The following CCDC30 variants were observed in gnomAD, a reference collection of about 807,000 sequenced individuals.
CCDC30 encodes the protein coiled-coil domain containing 30.
CCDC30 carries 70 observed loss-of-function variants against 100.2 expected under a neutral mutation model. That is an observed-to-expected ratio of 0.70 (90% CI 0.58 to 0.85). The LOEUF is 0.85. CCDC30 is among the 40% of genes least tolerant of loss of function. The probability of loss-of-function intolerance (pLI) is 0.00; values close to 1 mark genes in which losing one functional copy is unlikely to be tolerated. For missense variants in CCDC30, 652 were observed against 771.2 expected (o/e 0.85, Z 1.83); for synonymous variants, 233 against 269.5 (o/e 0.86, Z 1.33).
At chr1:42,637,184 A>G in intron 11 of CCDC30, 53 bp from the exon 16 acceptor site, 1 of 1,466,924 alleles carries the variant, frequency 6.8e-7, no homozygotes, top group Non-Finnish European at 9.2e-7. Flanking sequence ...TGAGGATGCA[A>G]AATAAATTTT....
intron 1 of CCDC30, among the ~76,000 whole-genome samples, chr1:42,474,842 T>G (rs1643865122): frequency 6.6e-6 from 1 of 152,216 alleles, no homozygotes; most frequent in Admixed American, 6.5e-5. Flanking sequence ...CATATTCGCT[T>G]TCTACCTGTT....
intron 10 of CCDC30, chr1:42,594,088 A>G (rs1646239191): frequency 6.6e-6 from 1 of 152,254 alleles, no homozygotes; most frequent in South Asian, 2.1e-4. Context: ...ATTCATATAA[A>G]TAAAGACACA....
At chr1:42,568,690 G>T (rs953497729) in intron 7 of CCDC30, among the ~76,000 whole-genome samples, 6 of 151,736 alleles carry the variant, frequency 4.0e-5, no homozygotes, top group Non-Finnish European at 8.8e-5. Context: ...ACTTTGTGGG[G>T]CTGAGGTGAG....
intron 11 of CCDC30, among the ~76,000 whole-genome samples, chr1:42,622,623 C>A (rs982017504): frequency 3.3e-5 from 5 of 152,200 alleles, no homozygotes; most frequent in African/African-American, 1.2e-4. Context: ...TACTTATGCA[C>A]CACCGCACCT....
chr1:42,529,024 A>G (rs1644767640), intron 6 of CCDC30, among the ~76,000 whole-genome samples: 1 of 152,210 alleles, frequency 6.6e-6, no homozygotes, highest in South Asian at 2.1e-4. Flanking sequence ...ATCTAGACTG[A>G]AGTTTGTGTG....
At chr1:42,492,554 AAAATG>A (rs1644160717) in intron 4 of CCDC30, 1 of 152,566 alleles carries the variant, frequency 6.6e-6, no homozygotes, top group African/African-American at 2.4e-5. Context: ...CTCTGTGAAA[AAAATG>A]AAATCATACA....
chr1:42,548,856 G>A (rs1284144177), intron 6 of CCDC30, among the ~76,000 whole-genome samples: 2 of 152,166 alleles, frequency 1.3e-5, no homozygotes, highest in African/African-American at 4.8e-5. Context: ...AAGTGGTACA[G>A]CATACCTAGC....
In CCDC30 at chr1:42,479,565, T is replaced by TAAAAAAA. The variant is rs150749741; in HGVS notation, c.-91-896_-91-895insAAAAAAA. Among the ~76,000 whole-genome samples the TAAAAAAA allele has an allele frequency of 1.4e-5, 2 of 139,962 alleles. 1 individual carries two copies. Among genetic ancestry groups the TAAAAAAA allele is most frequent in the Non-Finnish European group, 3.1e-5 (2 of 65,120 alleles). The allele number at this position is 139,962 out of a possible 152,430, so 91.8% of individuals were successfully genotyped here. On this transcript the variant is annotated intron_variant, in intron 1 of 16. Transcript: ENST00000668663. ...GGAACAATTAGATATAGACATATGC[T>TAAAAAAA]TAAAAAAAAAAAAAAAAGCCTCCCA...
intron 1 of CCDC30, among the ~76,000 whole-genome samples, chr1:42,468,898 G>A (rs1403857572): frequency 6.6e-6 from 1 of 152,106 alleles, no homozygotes; most frequent in Admixed American, 6.6e-5. Context: ...CTAAAGGCAG[G>A]GTTTTCCTGG....
chr1:42,646,392 C>A, intron 15 of CCDC30, 75 bp downstream of exon 19: 1 of 1,326,240 alleles, frequency 7.5e-7, no homozygotes, highest in Non-Finnish European at 9.7e-7. Context: ...TGGAAAATCT[C>A]TCAACTTATG....
intron 15 of CCDC30, among the ~76,000 whole-genome samples, chr1:42,650,691 A>G (rs1648276060): frequency 6.6e-6 from 1 of 151,916 alleles, no homozygotes; most frequent in South Asian, 2.1e-4. Context: ...AGCAGTGGCA[A>G]TCACAGCTCA....
rs145852310 is a variant in CCDC30 at position 42,533,385 on chromosome 1, A to G, written c.457-32911A>G. ...TTGAGAATTAAAGAATAAAGGATTA[A>G]TTAGGTTGGTTGAAGAGAAACCTTG... is the stretch of plus-strand genomic sequence containing the variant. On this transcript the variant is annotated intron_variant, in intron 6 of 16. Coordinates refer to ENST00000668663, the Ensembl canonical transcript of CCDC30. Among the ~76,000 whole-genome samples the G allele has an allele frequency of 4.6e-5, 7 of 152,256 alleles. No individual in the cohort carries two copies. The East Asian group carries it at 1.4e-3, about 29-fold the overall frequency.
At chr1:42,587,580 A>T (rs1646098623) in intron 9 of CCDC30, among the ~76,000 whole-genome samples, 1 of 152,236 alleles carries the variant, frequency 6.6e-6, no homozygotes, top group African/African-American at 2.4e-5. Context: ...TCCAAGAAAC[A>T]TAAGGAGAAG....
chr1:42,562,314 C>A (rs1204667986), intron 6 of CCDC30, among the ~76,000 whole-genome samples: 1 of 152,112 alleles, frequency 6.6e-6, no homozygotes, highest in Non-Finnish European at 1.5e-5. Context: ...CATCTACAAC[C>A]ATCTTATCTT....
At chr1:42,560,496 A>G (rs1182482293) in intron 6 of CCDC30, among the ~76,000 whole-genome samples, 5 of 151,972 alleles carry the variant, frequency 3.3e-5, no homozygotes, top group Admixed American at 6.6e-5. Context: ...CAGCCTCCCA[A>G]GTAGCTGGGA....
At chr1:42,583,647 T>C (rs941773712) in intron 9 of CCDC30, among the ~76,000 whole-genome samples, 5 of 152,160 alleles carry the variant, frequency 3.3e-5, no homozygotes, top group Admixed American at 3.3e-4. Context: ...ATAATATATA[T>C]CCTGACACAT....
intron 6 of CCDC30, among the ~76,000 whole-genome samples, chr1:42,554,570 C>A (rs959531389): frequency 6.6e-6 from 1 of 151,790 alleles, no homozygotes; most frequent in African/African-American, 2.4e-5. Flanking sequence ...AGCCACCACA[C>A]CTGACCATGG....
At chr1:42,637,292 C>T (rs775499900) in exon 12 of CCDC30, 5 of 1,581,318 alleles carry the variant, frequency 3.2e-6, no homozygotes, top group Non-Finnish European at 3.4e-6. Context: ...AGTCAAGTAT[C>T]GTTTAACTAA....
intron 10 of CCDC30, among the ~76,000 whole-genome samples, chr1:42,606,613 G>A (rs1307123755): frequency 6.6e-6 from 1 of 152,084 alleles, no homozygotes; most frequent in Non-Finnish European, 1.5e-5. Context: ...AGGTTCCTCT[G>A]GCCAGTAAAT....
Sources: gnomAD v4.1 joint callset for allele counts (sites outside exome capture counted in the v4.1 genomes callset) on GRCh38, gnomAD v4.1.1 for gene constraint, MANE v1.5 for transcripts, NCBI Gene and HGNC (gene_info 2026-07-23, HGNC 2026-07-21) for gene names.